Variants in PDIA5 observed in about 807,000 individuals in gnomAD.
PDIA5 encodes the protein protein disulfide-isomerase A5.
PDIA5 carries 58 observed loss-of-function variants against 77.6 expected under a neutral mutation model. The ratio of observed to expected loss-of-function variants is 0.75; its 90% CI spans 0.61 to 0.93. The LOEUF is 0.93. PDIA5 is among the 40% of genes least tolerant of loss of function. PDIA5 has a pLI of 0.00. For missense variants in PDIA5, 630 were observed against 647.7 expected (o/e 0.97, Z 0.30); for synonymous variants, 250 against 252.1 (o/e 0.99, Z 0.08).
At chr3:123,091,560 A>G (rs970705557) in intron 2 of PDIA5, among the ~76,000 whole-genome samples, 7 of 152,150 alleles carry the variant, frequency 4.6e-5, no homozygotes, top group Non-Finnish European at 7.4e-5. Flanking sequence ...TCTGTCCCTA[A>G]GACCCTGCCC....
intron 5 of PDIA5, among the ~76,000 whole-genome samples, chr3:123,103,894 G>A (rs1187545976): frequency 6.6e-6 from 1 of 152,238 alleles, no homozygotes; most frequent in Non-Finnish European, 1.5e-5. Flanking sequence ...GATGGGGGAA[G>A]TGCTTATGCA....
At chr3:123,131,185 G>A (rs1300636052) in intron 11 of PDIA5, among the ~76,000 whole-genome samples, 6 of 152,166 alleles carry the variant, frequency 3.9e-5, no homozygotes, top group Admixed American at 3.9e-4. Flanking sequence ...TGGGAGGATT[G>A]CTTGAGCCTG....
intron 1 of PDIA5, 117 bp from the exon 2 acceptor site, chr3:123,089,051 G>T (rs2107919271): frequency 1.1e-6 from 1 of 918,922 alleles, no homozygotes; most frequent in Non-Finnish European, 1.7e-6. Context: ...GAGATGTGTT[G>T]GTTTGCCCTC....
intron 3 of PDIA5, among the ~76,000 whole-genome samples, chr3:123,092,913 G>A (rs1934336201): frequency 6.6e-6 from 1 of 152,216 alleles, no homozygotes; most frequent in East Asian, 1.9e-4. Flanking sequence ...GGTAGAATCA[G>A]TGGGTCAAGC....
At chr3:123,070,917 GA>G (rs35265641) in intron 1 of PDIA5, among the ~76,000 whole-genome samples, 18 of 148,136 alleles carry the variant, frequency 1.2e-4, no homozygotes, top group Non-Finnish European at 2.2e-4. Flanking sequence ...AGTCAAACTG[GA>G]AAAAAAAAAT....
intron 1 of PDIA5, among the ~76,000 whole-genome samples, chr3:123,083,798 C>T (rs1364947308): frequency 6.6e-6 from 1 of 152,110 alleles, no homozygotes; most frequent in Non-Finnish European, 1.5e-5. Context: ...CAAGGTGCTC[C>T]GAGGCTTGCT....
At chr3:123,068,343 A>G (rs1266433820) in intron 1 of PDIA5, among the ~76,000 whole-genome samples, 1 of 152,166 alleles carries the variant, frequency 6.6e-6, no homozygotes, top group Non-Finnish European at 1.5e-5. Flanking sequence ...TTGGATCACC[A>G]GTGAGGAGTG....
intron 14 of PDIA5, among the ~76,000 whole-genome samples, chr3:123,151,995 G>A (rs1295662487): frequency 4.6e-5 from 3 of 65,720 alleles, no homozygotes; most frequent in African/African-American, 1.8e-4. Context: ...CTGCCTTCCT[G>A]CCTTCCTTCC....
intron 14 of PDIA5, 73 bp downstream of exon 14, chr3:123,150,437 C>A: frequency 1.4e-6 from 2 of 1,466,382 alleles, no homozygotes; most frequent in Non-Finnish European, 1.8e-6. Flanking sequence ...AAGACCCGCA[C>A]ACCCACCCCA....
chr3:123,106,381 G>C (rs1934732938), intron 5 of PDIA5, among the ~76,000 whole-genome samples: 1 of 152,240 alleles, frequency 6.6e-6, no homozygotes, highest in South Asian at 2.1e-4. Context: ...ACTTCTTGGA[G>C]GAGATGAGAT....
In PDIA5 at chr3:123,150,275, A is replaced by G. The variant is rs769494297; in HGVS notation, c.1184A>G (p.Gln395Arg). 31 of 1,613,382 alleles carry G rather than the reference A, an allele frequency of 1.9e-5. No individual in the cohort carries two copies. Among genetic ancestry groups the G allele is most frequent in the Non-Finnish European group, 5.1e-6 (6 of 1,179,624 alleles). ...PPPPEPTWEE[Q>R]QTSVLHLVGD... ...CCCCCAGAGCCCACGTGGGAAGAGC[A>G]GCAGACAAGCGTGTTGCACCTGGTG... Residue 395 changes from glutamine (Q) to arginine (R), a missense_variant, in exon 14 of 17, where the codon CAG becomes CGG. Physicochemically the swap from Gln to Arg is conservative, Grantham distance 43 (BLOSUM62 1). Transcript: ENST00000316218.
intron 6 of PDIA5, among the ~76,000 whole-genome samples, chr3:123,108,570 G>A (rs1156498812): frequency 6.9e-6 from 1 of 145,210 alleles, no homozygotes; most frequent in Non-Finnish European, 1.5e-5. Flanking sequence ...GTGAGCCACT[G>A]TGCCCGGCCT....
chr3:123,139,507 A>T (rs1199223993), intron 11 of PDIA5, among the ~76,000 whole-genome samples: 1 of 152,176 alleles, frequency 6.6e-6, no homozygotes, highest in Non-Finnish European at 1.5e-5. Flanking sequence ...AACCTTAACA[A>T]TATCAAGAGA....
intron 1 of PDIA5, among the ~76,000 whole-genome samples, chr3:123,068,555 C>G (rs1449284617): frequency 1.3e-5 from 2 of 152,226 alleles, no homozygotes; most frequent in Non-Finnish European, 2.9e-5. Context: ...AGGGAGCTAT[C>G]TCCTGAAACG....
At chr3:123,121,594 G>A (rs1935121557) in intron 8 of PDIA5, among the ~76,000 whole-genome samples, 2 of 152,332 alleles carry the variant, frequency 1.3e-5, no homozygotes, top group East Asian at 3.9e-4. Context: ...GCTGCCCAGA[G>A]ACGTGAGGTT....
chr3:123,068,709 A>G (rs1018104526), intron 1 of PDIA5, among the ~76,000 whole-genome samples: 1 of 152,186 alleles, frequency 6.6e-6, no homozygotes, highest in African/African-American at 2.4e-5. Flanking sequence ...TTGGATTGAT[A>G]TTTTGCCCTC....
rs772446397 is a variant in PDIA5 at position 123,089,261 on chromosome 3, C to T, written c.136C>T (p.Arg46Trp). 4 of 1,613,946 alleles carry T rather than the reference C, an allele frequency of 2.5e-6. No homozygotes were observed. Among genetic ancestry groups the T allele is most frequent in the South Asian group, 1.1e-5 (1 of 91,082 alleles). ...GGACTTGAAAAAACTGCTCAGAACC[C>T]GGAATAATGTACTGGTGCTTTACTC... The part of the protein sequence containing the change: ...PKDLKKLLRT[R>W]NNVLVLYSKS... Residue 46 changes from arginine (R) to tryptophan (W), a missense_variant, in exon 2 of 17, where the codon CGG becomes TGG. Coordinates refer to ENST00000316218, the MANE Select transcript of PDIA5 (RefSeq NM_006810.4).
rs1252731822 is a variant in PDIA5, at chr3:123,089,200, G to A, written c.75G>A (p.Lys25=). ...TGCCATCATGGCTGTCCTCTGCAAA[G>A]GTCTCCTCGCTCATTGAGAGAATCT... The part of the protein sequence containing the change: ...VVLPSWLSSA[K]VSSLIERISD... Residue 25 remains lysine (K), a synonymous_variant, in exon 2 of 17, where the codon AAG becomes AAA. Coordinates refer to ENST00000316218, the MANE Select transcript of PDIA5 (RefSeq NM_006810.4). The A allele has an allele frequency of 6.2e-7, 1 of 1,614,024 alleles. No homozygotes were observed. Among genetic ancestry groups the A allele is most frequent in the Non-Finnish European group, 8.5e-7 (1 of 1,179,892 alleles).
At chr3:123,106,303 G>A (rs1175311124) in intron 5 of PDIA5, among the ~76,000 whole-genome samples, 1 of 152,258 alleles carries the variant, frequency 6.6e-6, no homozygotes, top group Non-Finnish European at 1.5e-5. Flanking sequence ...GACAGTTTTA[G>A]TGGCTGCAGG....
Sources: gnomAD v4.1 joint callset for allele counts (sites outside exome capture counted in the v4.1 genomes callset) on GRCh38, gnomAD v4.1.1 for gene constraint, MANE v1.5 for transcripts, NCBI Gene and HGNC (gene_info 2026-07-23, HGNC 2026-07-21) for gene names.